The following RNF130 variants were observed in gnomAD, a reference collection of about 807,000 sequenced individuals.
The protein encoded by RNF130 is ring finger protein 130.
RNF130 carries 21 observed loss-of-function variants against 44.6 expected under a neutral mutation model. The observed-to-expected ratio is 0.47, with a 90% CI of 0.33 to 0.68. The LOEUF is 0.68. Among genes scored for constraint, RNF130 ranks in the 30% least tolerant of loss-of-function variants. The pLI, the probability that RNF130 is intolerant of heterozygous loss-of-function variation, is 0.02. For synonymous variants in RNF130, 214 were observed against 210.4 expected, an observed-to-expected ratio of 1.02 and a Z score of -0.15; for missense variants, 479 against 560.6, an observed-to-expected ratio of 0.85 and a Z score of 1.47.
chr5:180,017,186 C>T (rs982702109), intron 2 of RNF130, among the ~76,000 whole-genome samples: 7 of 152,132 alleles, frequency 4.6e-5, no homozygotes, highest in African/African-American at 1.7e-4. Flanking sequence ...CTGACCATGC[C>T]CCTCAATCTG....
intron 3 of RNF130, among the ~76,000 whole-genome samples, chr5:180,001,128 C>G (rs1005180583): frequency 7.9e-5 from 12 of 152,190 alleles, no homozygotes; most frequent in African/African-American, 2.2e-4. Flanking sequence ...GCAGTTTCAG[C>G]TGAATTCAAC....
At chr5:180,027,701 C>T (rs1158790695) in intron 2 of RNF130, among the ~76,000 whole-genome samples, 1 of 152,220 alleles carries the variant, frequency 6.6e-6, no homozygotes, top group African/African-American at 2.4e-5. Context: ...TTCCTCTCCA[C>T]ACGTCACCTG....
intron 1 of RNF130, among the ~76,000 whole-genome samples, chr5:180,045,479 T>A (rs1764538158): frequency 6.6e-6 from 1 of 152,138 alleles, no homozygotes; most frequent in Admixed American, 6.5e-5. Context: ...AGCAGCAAGA[T>A]TTATCTCAAA....
At position 179,977,669 on chromosome 5, in the gene RNF130, T is replaced by C. The variant is rs1762744456; in HGVS notation, c.848+534A>G. Among the ~76,000 whole-genome samples the C allele has an allele frequency of 6.6e-6, 1 of 151,970 alleles. No homozygotes were observed. The highest frequency in any genetic ancestry group is 1.5e-5 in the Non-Finnish European group (1 of 67,988). On this transcript the variant is annotated intron_variant, in intron 5 of 8. Coordinates refer to ENST00000521389, the MANE Select transcript of RNF130 (RefSeq NM_018434.6). This position sits in a 1 kb window ranked among gnomAD's most constrained non-coding sequence, Gnocchi z 4.1. ...GGAGTTCAAGACCAACTGGCCAACA[T>C]GATGAAACCCCGTCTCTACTAAAAA... is the stretch of plus-strand genomic sequence containing the variant.
chr5:179,982,513 T>C (rs967961363), intron 3 of RNF130, among the ~76,000 whole-genome samples: 1 of 152,198 alleles, frequency 6.6e-6, no homozygotes, highest in Non-Finnish European at 1.5e-5. Flanking sequence ...CAGCAATACA[T>C]GAAAATTATA....
chr5:179,937,506 TCA>T (rs1239415472), intron 7 of RNF130, among the ~76,000 whole-genome samples: 3 of 152,314 alleles, frequency 2.0e-5, no homozygotes, highest in Admixed American at 1.3e-4. Flanking sequence ...GAAATGCCAT[TCA>T]CACTCATTAG....
At chr5:180,018,276 CAG>C (rs1763786613) in intron 2 of RNF130, among the ~76,000 whole-genome samples, 1 of 138,064 alleles carries the variant, frequency 7.2e-6, no homozygotes, top group East Asian at 2.1e-4. Flanking sequence ...GCCTGGGAAA[CAG>C]AGTGAGACTC....
At chr5:180,008,880 T>C (rs1218044354) in intron 3 of RNF130, among the ~76,000 whole-genome samples, 1 of 150,434 alleles carries the variant, frequency 6.6e-6, no homozygotes, top group Non-Finnish European at 1.5e-5. Flanking sequence ...TAAGACCCTC[T>C]CTCAAAAGGA....
intron 1 of RNF130, among the ~76,000 whole-genome samples, chr5:180,043,043 C>A (rs528875924): frequency 6.6e-6 from 1 of 152,194 alleles, no homozygotes; most frequent in Non-Finnish European, 1.5e-5. Context: ...TCTGGCCAGG[C>A]GTGGTGGCAC....
At chr5:180,047,267 A>G (rs1764586662) in intron 1 of RNF130, among the ~76,000 whole-genome samples, 1 of 152,208 alleles carries the variant, frequency 6.6e-6, no homozygotes, top group African/African-American at 2.4e-5. Context: ...AATACAATTC[A>G]TCATTTCTGT....
intron 1 of RNF130, among the ~76,000 whole-genome samples, chr5:180,055,248 C>CAAAAAAAAAAAAAAAAAAA (rs1205914690): frequency 9.5e-5 from 2 of 20,972 alleles, no homozygotes; most frequent in Non-Finnish European, 1.5e-4. Flanking sequence ...GGTTCTGTCT[C>CAAAAAAAAAAAAAAAAAAA]AAAAAAAAAA....
chr5:179,930,884 C>CA (rs1167460790), intron 7 of RNF130, among the ~76,000 whole-genome samples: 5 of 151,084 alleles, frequency 3.3e-5, no homozygotes, highest in South Asian at 2.1e-4. Flanking sequence ...ACTAAAATTA[C>CA]AAAAAAAAGT....
Position 179,963,547 on chromosome 5 carries a change from C to T in RNF130, c.1168G>A (p.Ala390Thr), listed in dbSNP as rs1372883412. Residue 390 changes from alanine to threonine, a missense_variant, in exon 8 of 9, where the codon GCC becomes ACC. Ala to Thr is a moderately conservative substitution (Grantham distance 58). This residue lies in a region of RNF130 where 161 missense variants were observed against 158.6 expected (regional missense o/e 1.02). Coordinates refer to ENST00000521389, the MANE Select transcript of RNF130 (RefSeq NM_018434.6). ...IAVTKEWFII[A>T]SFGLLSALTL... ...AGGGCACTGAGGAGGCCAAAACTGG[C>T]AATAATAAACCATTCTTCTGTTGAC... 2.5e-6 allele frequency: 4 copies of T among 1,612,946 alleles called. No homozygotes were observed. The highest frequency in any genetic ancestry group is 3.4e-6 in the Non-Finnish European group (4 of 1,179,010).
intron 5 of RNF130, among the ~76,000 whole-genome samples, chr5:179,971,805 G>A (rs1017714532): frequency 3.9e-5 from 6 of 152,196 alleles, no homozygotes; most frequent in African/African-American, 1.4e-4. Context: ...AAGAGGTCTA[G>A]AGAACTCAGT....
chr5:179,941,547 A>G (rs538724116), intron 7 of RNF130, among the ~76,000 whole-genome samples: 1 of 151,600 alleles, frequency 6.6e-6, no homozygotes, highest in East Asian at 1.9e-4. Flanking sequence ...AGACTGCTTG[A>G]GCTCTCCTTC....
intron 5 of RNF130, among the ~76,000 whole-genome samples, chr5:179,975,461 GA>G (rs1437199701): frequency 6.6e-6 from 1 of 152,232 alleles, no homozygotes; most frequent in East Asian, 1.9e-4. Context: ...CCAAGGCTGA[GA>G]AATGCTGCTC....
At chr5:179,964,263 G>A (rs776917296) in intron 7 of RNF130, 2 of 152,300 alleles carry the variant, frequency 1.3e-5, no homozygotes, top group Admixed American at 6.5e-5. Flanking sequence ...CCACAGAGCT[G>A]AAAACCTCTG....
chr5:179,962,310 T>C (rs765954457), intron 8 of RNF130, among the ~76,000 whole-genome samples: 9 of 152,196 alleles, frequency 5.9e-5, no homozygotes, highest in Non-Finnish European at 1.3e-4. Context: ...TGAGGTTAGA[T>C]TGAATAACAC....
intron 2 of RNF130, among the ~76,000 whole-genome samples, chr5:180,016,461 CCCCA>C (rs1336843490): frequency 6.6e-6 from 1 of 152,194 alleles, no homozygotes; most frequent in Non-Finnish European, 1.5e-5. Flanking sequence ...TTGGGACATG[CCCCA>C]CCACTCCCAT....
Sources: allele counts gnomAD v4.1 joint callset (sites outside exome capture counted in the v4.1 genomes callset), GRCh38; gene constraint gnomAD v4.1.1; regional missense constraint gnomAD v4.1.1; non-coding constraint Gnocchi (gnomAD v3.1); transcripts MANE v1.5; gene names NCBI Gene and HGNC (gene_info 2026-07-23, HGNC 2026-07-21).